The following SLC5A1 variants were observed in gnomAD, a reference collection of about 807,000 sequenced individuals.
SLC5A1 encodes sodium/glucose cotransporter 1.
A neutral mutation model predicts 73.5 loss-of-function variants in SLC5A1; 42 were observed. The observed-to-expected ratio is 0.57, with a 90% CI of 0.45 to 0.74. The LOEUF is 0.74. Ranked by LOEUF, SLC5A1 falls within the 30% of genes least tolerant of loss-of-function variation. The pLI, the probability that SLC5A1 is intolerant of heterozygous loss-of-function variation, is 0.00. For missense variants in SLC5A1, 634 were observed against 855.4 expected (o/e 0.74, Z 3.23); for synonymous variants, 300 against 317.4 (o/e 0.95, Z 0.58).
intron 2 of SLC5A1, among the ~76,000 whole-genome samples, chr22:32,064,353 G>A (rs2093968835): frequency 1.3e-5 from 2 of 151,986 alleles, no homozygotes; most frequent in South Asian, 2.1e-4. Context: ...AAAACTAGTC[G>A]GCTGTGGTGG....
At chr22:32,073,507 G>GC (rs1404150951) in intron 5 of SLC5A1, among the ~76,000 whole-genome samples, 1 of 152,026 alleles carries the variant, frequency 6.6e-6, no homozygotes, top group Non-Finnish European at 1.5e-5. Context: ...TCATGATTCA[G>GC]CCTCCTTTAC....
chr22:32,063,042 C>T (rs2093965980), intron 2 of SLC5A1, among the ~76,000 whole-genome samples: 3 of 152,124 alleles, frequency 2.0e-5, no homozygotes, highest in Admixed American at 1.3e-4. Flanking sequence ...GGCCTCTTTA[C>T]TGTGCATGTA....
At chr22:32,044,841 TA>T (rs1008571484) in intron 1 of SLC5A1, among the ~76,000 whole-genome samples, 4 of 152,000 alleles carry the variant, frequency 2.6e-5, no homozygotes, top group Admixed American at 2.0e-4. Context: ...ACTCTAGGAT[TA>T]AAAAAAACTA....
At chr22:32,068,448 C>T in intron 4 of SLC5A1, 48 bp from the exon 5 acceptor site, 1 of 1,107,740 alleles carries the variant, frequency 9.0e-7, no homozygotes, top group Admixed American at 1.7e-5. Flanking sequence ...CTGCTCTGGG[C>T]CCTCTGGTCA....
Position 32,091,528 on chromosome 22 carries a change from C to T in SLC5A1, c.1130-84C>T, listed in dbSNP as rs944402722. 11 of 1,516,956 alleles carry T rather than the reference C, an allele frequency of 7.3e-6. No individual in the cohort carries two copies. The Admixed American group carries it at 1.9e-4, about 26-fold the overall frequency. 94.0% of individuals were successfully genotyped at this position (1,516,956 alleles called of 1,614,324 possible). ...ACATGGCATGGTTTCAGAAGGCAAA[C>T]AAATCTTGAGTCCTCATATATTTTT... On this transcript the variant is annotated intron_variant, in intron 10 of 14. Transcript: ENST00000266088.
In SLC5A1 at chr22:32,084,552, G is replaced by A; in HGVS notation, c.778G>A (p.Ala260Thr). Residue 260 changes from alanine (A) to threonine (T), a missense_variant, in exon 8 of 15, where the codon GCC becomes ACC. Physicochemically the swap from Ala to Thr is moderately conservative, Grantham distance 58. Coordinates refer to ENST00000266088, the MANE Select transcript of SLC5A1 (RefSeq NM_000343.4). ...TCAGGAAAAATGCTACACTCCAAGG[G>A]CCGACTCCTTCCACATCTTCCGAGA... ...TFQEKCYTPRADSFHIFRDPL... is the reference protein window; with the variant it reads ...TFQEKCYTPRTDSFHIFRDPL... 1 of 1,614,208 alleles carries A rather than the reference G, an allele frequency of 6.2e-7. No individual in the cohort carries two copies. Among genetic ancestry groups the A allele is most frequent in the Middle Eastern group, 1.6e-4 (1 of 6,062 alleles).
chr22:32,112,941 T>C lies in SLC5A1; in HGVS notation c.*2728T>C, dbSNP rs1835512040. ...TTACCTTAATTTAGTCATTTCACAA[T>C]ATGTACATATATAAAAATATGTTGT... On this transcript the variant is annotated 3_prime_UTR_variant, in exon 15 of 15. Coordinates refer to ENST00000266088, the MANE Select transcript of SLC5A1 (RefSeq NM_000343.4). 1 of 152,216 alleles carries C rather than the reference T, an allele frequency of 6.6e-6. No homozygotes were observed. Among genetic ancestry groups the C allele is most frequent in the Admixed American group, 6.5e-5 (1 of 15,286 alleles). The allele number at this position is 152,216 out of a possible 1,614,324, so 9.4% of individuals were successfully genotyped here.
chr22:32,065,006 C>T (rs1056130148), intron 2 of SLC5A1, among the ~76,000 whole-genome samples: 1 of 152,078 alleles, frequency 6.6e-6, no homozygotes, highest in African/African-American at 2.4e-5. Context: ...TGCAGTGGCA[C>T]GATCATAGTT....
In SLC5A1 at chr22:32,110,447, T is replaced by C. The variant is rs919910320; in HGVS notation, c.*234T>C. 5 of 567,632 alleles carry C rather than the reference T, an allele frequency of 8.8e-6. No homozygotes were observed. The African/African-American group carries it at 9.4e-5, about 11-fold the overall frequency. The allele number at this position is 567,632 out of a possible 1,614,324, so 35.2% of individuals were successfully genotyped here. ...ACCTACTGGAGCTGCAGAAGGGAAGTCCACTCAGTCACATCCAGAAAAAGG... is the reference window on the plus strand; with the variant it reads ...ACCTACTGGAGCTGCAGAAGGGAAGCCCACTCAGTCACATCCAGAAAAAGG... On this transcript the variant is annotated 3_prime_UTR_variant, in exon 15 of 15. Transcript: ENST00000266088.
At chr22:32,073,064 T>C (rs903800751) in intron 5 of SLC5A1, among the ~76,000 whole-genome samples, 5 of 152,232 alleles carry the variant, frequency 3.3e-5, no homozygotes, top group Non-Finnish European at 7.3e-5. Context: ...GTCTATTTTA[T>C]CTCTTGTTGC....
intron 11 of SLC5A1, among the ~76,000 whole-genome samples, chr22:32,094,942 A>G (rs1017024086): frequency 6.6e-6 from 1 of 151,452 alleles, no homozygotes; most frequent in African/African-American, 2.4e-5. Flanking sequence ...TAGATTGTCT[A>G]TTGTGCTCTT....
In SLC5A1 at chr22:32,102,223, A is replaced by G; in HGVS notation, c.1651A>G (p.Ile551Val). ...GGTCATCTCCCTCCTCACCAAACCC[A>G]TTCCGGATGTGCATGTGAGTATCCA... ...IVVISLLTKPIPDVHLYRLCW... is the reference protein window; with the variant it reads ...IVVISLLTKPVPDVHLYRLCW... The change falls in exon 13 of 15, where the codon ATT becomes GTT. Residue 551 changes from isoleucine (I) to valine (V), a missense_variant. Ile to Val is a conservative substitution (Grantham distance 29, BLOSUM62 3). Around this residue, in one of 3 missense-constraint regions of SLC5A1, gnomAD observed 161 missense variants for 178.7 expected, o/e 0.90. Transcript: ENST00000266088. 1.9e-6 allele frequency: 3 copies of G among 1,612,726 alleles called. No homozygotes were observed. The highest frequency in any genetic ancestry group is 2.5e-6 in the Non-Finnish European group (3 of 1,178,830).
rs560769808 is a variant in SLC5A1 at position 32,059,272 on chromosome 22, A to C, written c.208-7663A>C. On this transcript the variant is annotated intron_variant, in intron 2 of 14. Transcript: ENST00000266088. ...AAGGCTAGAAGGTATTTGGGGCAGC[A>C]GACTTGTGTGGAAGCAGTTATCAAA... is the stretch of plus-strand genomic sequence containing the variant. 1.1e-4 allele frequency: 108 copies of C among 985,544 alleles called. 2 individuals carry two copies. In the South Asian group the frequency reaches 4.5e-3, roughly 41 times the overall value. 61.0% of individuals were successfully genotyped at this position (985,544 alleles called of 1,614,324 possible).
intron 1 of SLC5A1, among the ~76,000 whole-genome samples, chr22:32,048,212 CATT>C (rs2093939732): frequency 6.7e-6 from 1 of 148,688 alleles, no homozygotes; most frequent in African/African-American, 2.5e-5. Flanking sequence ...CAGCTACTAA[CATT>C]ATTAGCAAGT....
chr22:32,049,524 C>T (rs2093942494), intron 1 of SLC5A1, among the ~76,000 whole-genome samples: 1 of 146,544 alleles, frequency 6.8e-6, no homozygotes. Context: ...GGATTATAGG[C>T]ACATGCCACC....
intron 5 of SLC5A1, among the ~76,000 whole-genome samples, chr22:32,074,507 C>G (rs970096457): frequency 3.9e-5 from 6 of 152,136 alleles, no homozygotes; most frequent in African/African-American, 1.4e-4. Flanking sequence ...CGTTCCCTTT[C>G]TCTTCTTGGA....
At chr22:32,046,757 G>A (rs1235787854) in intron 1 of SLC5A1, among the ~76,000 whole-genome samples, 1 of 152,182 alleles carries the variant, frequency 6.6e-6, no homozygotes, top group African/African-American at 2.4e-5. Flanking sequence ...TGTATTCCAT[G>A]GAGATAGAAC....
chr22:32,056,497 G>T, intron 2 of SLC5A1, among the ~76,000 whole-genome samples: 1 of 122,118 alleles, frequency 8.2e-6, no homozygotes, highest in African/African-American at 3.1e-5. Context: ...ACATACTTAT[G>T]CTACAAATGT....
rs1354153631 is a variant in SLC5A1, at chr22:32,104,810, C to T, written c.1690C>T (p.Arg564Cys). 3.7e-6 allele frequency: 6 copies of T among 1,613,948 alleles called. No individual in the cohort carries two copies. Among genetic ancestry groups the T allele is most frequent in the East Asian group, 2.2e-5 (1 of 44,866 alleles). ...GCTCTACCGTCTGTGTTGGAGCCTG[C>T]GCAACAGCAAAGAGGAGCGTATTGA... Reference protein sequence around the residue: ...VHLYRLCWSLRNSKEERIDLD... With the variant: ...VHLYRLCWSLCNSKEERIDLD... The change falls in exon 14 of 15, where the codon CGC becomes TGC. Residue 564 changes from arginine to cysteine, a missense_variant. Physicochemically the swap from Arg to Cys is radical, Grantham distance 180. Coordinates refer to ENST00000266088, the MANE Select transcript of SLC5A1 (RefSeq NM_000343.4).
Sources: allele counts gnomAD v4.1 joint callset (sites outside exome capture counted in the v4.1 genomes callset), GRCh38; gene constraint gnomAD v4.1.1; regional missense constraint gnomAD v4.1.1; transcripts MANE v1.5; gene names NCBI Gene and HGNC (gene_info 2026-07-23, HGNC 2026-07-21).